Variants in PGM3 observed in about 807,000 individuals in gnomAD.
PGM3 encodes the protein phosphoglucomutase 3.
Under a neutral mutation model 66.2 loss-of-function variants are expected in PGM3, and 40 were observed. The observed-to-expected ratio is 0.60, with a 90% CI of 0.47 to 0.79. The LOEUF is 0.79. PGM3 is among the 30% of genes least tolerant of loss of function. The probability of loss-of-function intolerance (pLI) is 0.00; values close to 1 mark genes in which losing one functional copy is unlikely to be tolerated. For missense variants in PGM3, 537 were observed against 643.4 expected (o/e 0.83, Z 1.79); for synonymous variants, 191 against 224.2 (o/e 0.85, Z 1.32).
At chr6:83,176,828 T>C (rs1388181417) in intron 8 of PGM3, among the ~76,000 whole-genome samples, 1 of 152,238 alleles carries the variant, frequency 6.6e-6, no homozygotes, top group Non-Finnish European at 1.5e-5. Context: ...TAAACTAGGT[T>C]ATTTTATCTG....
intron 10 of PGM3, among the ~76,000 whole-genome samples, chr6:83,173,426 C>G (rs1235872631): frequency 2.6e-5 from 4 of 152,052 alleles, no homozygotes; most frequent in South Asian, 2.1e-4. Context: ...ATAAATAGAT[C>G]CCTTTTGAGA....
chr6:83,162,924 C>A (rs375249943), downstream of PGM3: 16 of 1,608,762 alleles, frequency 9.9e-6, no homozygotes, highest in Admixed American at 8.4e-5. Flanking sequence ...GCAAAGGTAT[C>A]GCATTCTTTT....
chr6:83,158,061 A>C (rs903251134), downstream of PGM3, among the ~76,000 whole-genome samples: 11 of 151,538 alleles, frequency 7.3e-5, no homozygotes, highest in Non-Finnish European at 1.2e-4. Context: ...TGCAGTGGCG[A>C]GATCTCAGCT....
At chr6:83,191,163 G>C in intron 1 of PGM3, 149 bp from the exon 2 acceptor site, 1 of 1,507,388 alleles carries the variant, frequency 6.6e-7, no homozygotes, top group South Asian at 1.2e-5. Context: ...GGGCAGGAGA[G>C]TAAGTCCTGT....
the PGM3 span, among the ~76,000 whole-genome samples, chr6:83,150,935 CCATGTGTCCCTCCA>C: frequency 2.6e-5 from 4 of 152,074 alleles, no homozygotes; most frequent in Admixed American, 2.6e-4. Context: ...AAATAAAACA[CCATGTGTCCCTCCA>C]CACCTCTCCC....
At chr6:83,158,144 A>G (rs938800359), downstream of PGM3, among the ~76,000 whole-genome samples, 18 of 152,052 alleles carry the variant, frequency 1.2e-4, no homozygotes, top group South Asian at 4.2e-4. Context: ...GACTACAGGC[A>G]CCTGCCACCA....
chr6:83,174,276 C>T (rs1381005447), intron 10 of PGM3, 98 bp downstream of exon 10: 21 of 664,168 alleles, frequency 3.2e-5, no homozygotes, highest in East Asian at 1.2e-4. Flanking sequence ...CAGGCCAGGA[C>T]GTCTCCACTT....
intron 1 of PGM3, chr6:83,191,243 G>A: frequency 4.6e-6 from 7 of 1,535,252 alleles, no homozygotes; most frequent in Non-Finnish European, 6.1e-6. Flanking sequence ...AGGGCAGATA[G>A]CAGATTGTCC....
chr6:83,189,650 A>T (rs1215805164), intron 2 of PGM3, among the ~76,000 whole-genome samples: 2 of 152,234 alleles, frequency 1.3e-5, no homozygotes, highest in African/African-American at 4.8e-5. Flanking sequence ...ATCAAATAGA[A>T]GCATATTATT....
chr6:83,155,801 A>G, the PGM3 span: 1 of 855,684 alleles, frequency 1.2e-6, no homozygotes. Flanking sequence ...TCTGTTTGCC[A>G]GCCTGTCTGC....
downstream of PGM3, chr6:83,163,044 C>T (rs1010560796): frequency 5.4e-6 from 6 of 1,113,108 alleles, no homozygotes; most frequent in Non-Finnish European, 7.5e-6. Context: ...AAACAAGTCC[C>T]CAGTTTTGAG....
intron 4 of PGM3, among the ~76,000 whole-genome samples, chr6:83,183,731 A>T (rs983811401): frequency 6.8e-5 from 10 of 147,800 alleles, no homozygotes; most frequent in African/African-American, 2.2e-4. Flanking sequence ...TTTGTCATGA[A>T]TTTTTTTTTT....
At chr6:83,158,222 C>T (rs1219293600), downstream of PGM3, among the ~76,000 whole-genome samples, 2 of 152,074 alleles carry the variant, frequency 1.3e-5, no homozygotes, top group Admixed American at 6.5e-5. Flanking sequence ...AGGATGGTCT[C>T]GATCTCCTGA....
chr6:83,187,622 G>A (rs991682791), intron 3 of PGM3, among the ~76,000 whole-genome samples: 7 of 152,066 alleles, frequency 4.6e-5, no homozygotes, highest in African/African-American at 1.4e-4. Flanking sequence ...TGGCCAACAC[G>A]GTGAAACCAC....
chr6:83,171,015 T>G (rs1786976753), intron 11 of PGM3: 1 of 152,662 alleles, frequency 6.6e-6, no homozygotes, highest in African/African-American at 2.4e-5. Context: ...TACTTTCACT[T>G]GAAATGACAG....
Position 83,166,511 on chromosome 6 carries a change from A to T in PGM3, c.*2723T>A, listed in dbSNP as rs770558268. On this transcript the variant is annotated 3_prime_UTR_variant, in exon 13 of 13. Coordinates refer to ENST00000513973, the MANE Select transcript of PGM3 (RefSeq NM_015599.3). ...TCGCTAAATTTGATTTTTGTCTAAC[A>T]TCATTTCCATAGTCTAAAATAAATA... 1 of 696,824 alleles carries T rather than the reference A, an allele frequency of 1.4e-6. No individual in the cohort carries two copies. Among genetic ancestry groups the T allele is most frequent in the Non-Finnish European group, 2.6e-6 (1 of 385,046 alleles). 43.2% of individuals were successfully genotyped at this position (696,824 alleles called of 1,614,324 possible).
At chr6:83,151,842 A>T in the PGM3 span, 14 of 1,588,072 alleles carry the variant, frequency 8.8e-6, no homozygotes, top group African/African-American at 1.9e-4. Flanking sequence ...ACTAGTGTGC[A>T]TGTGTGTACC....
chr6:83,170,575 A>G, intron 11 of PGM3, 97 bp from the exon 12 acceptor site: 1 of 897,468 alleles, frequency 1.1e-6, no homozygotes, highest in South Asian at 1.9e-5. Flanking sequence ...CAGACTAAAT[A>G]TAAAATTACA....
the PGM3 span, among the ~76,000 whole-genome samples, chr6:83,150,191 T>C: frequency 2.0e-5 from 3 of 152,216 alleles, no homozygotes; most frequent in South Asian, 4.1e-4. Context: ...CTAGGCAACA[T>C]AGGGAGACTG....
Sources: gnomAD v4.1 joint callset for allele counts (sites outside exome capture counted in the v4.1 genomes callset) on GRCh38, gnomAD v4.1.1 for gene constraint, MANE v1.5 for transcripts, NCBI Gene and HGNC (gene_info 2026-07-23, HGNC 2026-07-21) for gene names.